The following AKT3 variants were observed in gnomAD, a reference collection of about 807,000 sequenced individuals.
AKT3 encodes AKT serine/threonine kinase 3, also known as RAC-gamma serine/threonine-protein kinase.
In AKT3, 15 loss-of-function variants were observed where a neutral mutation model predicts 65.3. The ratio of observed to expected loss-of-function variants is 0.23; its 90% CI spans 0.15 to 0.35. AKT3 has a LOEUF of 0.35. Ranked by LOEUF, AKT3 falls within the 10% of genes least tolerant of loss-of-function variation. The pLI is 1.00. For synonymous variants in AKT3, 206 were observed against 183.8 expected, an observed-to-expected ratio of 1.12 and a Z score of -0.98; for missense variants, 243 against 576.5, an observed-to-expected ratio of 0.42 and a Z score of 5.92.
At chr1:243,772,785 T>C (rs1449689716) in intron 2 of AKT3, among the ~76,000 whole-genome samples, 2 of 151,934 alleles carry the variant, frequency 1.3e-5, no homozygotes, top group African/African-American at 2.4e-5. Flanking sequence ...TTGGAACCAA[T>C]CCAAATGTCC....
chr1:243,527,742 T>C (rs545042423), intron 12 of AKT3, among the ~76,000 whole-genome samples: 1 of 150,674 alleles, frequency 6.6e-6, no homozygotes, highest in Non-Finnish European at 1.5e-5. Context: ...ATAAAGATGG[T>C]GGGACTTATA....
At chr1:243,586,539 T>C (rs1274817657) in intron 8 of AKT3, among the ~76,000 whole-genome samples, 3 of 152,132 alleles carry the variant, frequency 2.0e-5, no homozygotes, top group East Asian at 3.8e-4. Flanking sequence ...TGGAATACTA[T>C]GCAGTCGTAA....
At chr1:243,833,389 G>A (rs894771321) in intron 2 of AKT3, among the ~76,000 whole-genome samples, 17 of 152,126 alleles carry the variant, frequency 1.1e-4, no homozygotes, top group African/African-American at 4.1e-4. Flanking sequence ...GGGGGAAGAA[G>A]GCACCTTCTT....
intron 6 of AKT3, chr1:243,624,929 A>T: frequency 4.2e-6 from 1 of 238,582 alleles, no homozygotes; most frequent in East Asian, 1.0e-4. Context: ...CTTCTTCTTG[A>T]CTGATAATCA....
chr1:243,611,006 G>C (rs531228349), intron 8 of AKT3, among the ~76,000 whole-genome samples: 2 of 152,288 alleles, frequency 1.3e-5, no homozygotes, highest in South Asian at 4.1e-4. Context: ...ATATCATTCT[G>C]TGGTGCATCT....
chr1:243,737,900 T>A (rs538767889), intron 2 of AKT3, among the ~76,000 whole-genome samples: 1 of 152,180 alleles, frequency 6.6e-6, no homozygotes, highest in Non-Finnish European at 1.5e-5. Context: ...TTCCAAAACA[T>A]TGAAGTACTG....
intron 6 of AKT3, among the ~76,000 whole-genome samples, chr1:243,630,453 A>T (rs1679524393): frequency 6.6e-6 from 1 of 152,164 alleles, no homozygotes; most frequent in South Asian, 2.1e-4. Context: ...AGATATTCCC[A>T]CTCAGAAAGG....
intron 5 of AKT3, among the ~76,000 whole-genome samples, chr1:243,642,274 G>A (rs1488533052): frequency 6.6e-6 from 1 of 152,194 alleles, no homozygotes; most frequent in African/African-American, 2.4e-5. Flanking sequence ...TCTTCTGGAT[G>A]ATGTTATGGA....
chr1:243,684,989 C>G (rs967986906), intron 3 of AKT3, among the ~76,000 whole-genome samples: 21 of 152,100 alleles, frequency 1.4e-4, no homozygotes, highest in African/African-American at 4.8e-4. Context: ...CCTTTGCCCA[C>G]TTTTTGATGG....
At chr1:243,681,597 G>A (rs1422495698) in intron 3 of AKT3, among the ~76,000 whole-genome samples, 1 of 152,164 alleles carries the variant, frequency 6.6e-6, no homozygotes, top group East Asian at 1.9e-4. Context: ...TGACAACAAT[G>A]AGAGTCCACT....
At chr1:243,651,454 G>A (rs1681319710) in intron 4 of AKT3, among the ~76,000 whole-genome samples, 1 of 152,136 alleles carries the variant, frequency 6.6e-6, no homozygotes. Flanking sequence ...GTGAGAGGGG[G>A]CATCCTTGTA....
At chr1:243,778,718 G>A (rs527739551) in intron 2 of AKT3, among the ~76,000 whole-genome samples, 3 of 152,144 alleles carry the variant, frequency 2.0e-5, no homozygotes, top group South Asian at 4.2e-4. Context: ...AAAATCAAAC[G>A]TTAAAAAGGT....
chr1:243,563,804 T>C lies in AKT3; in HGVS notation c.864A>G (p.Thr288=). 1 of 1,612,812 alleles carries C rather than the reference T, an allele frequency of 6.2e-7. No homozygotes were observed. Among genetic ancestry groups the C allele is most frequent in the Admixed American group, 1.7e-5 (1 of 59,628 alleles). Residue 288 remains threonine (T), a synonymous_variant, in exon 10 of 14, where the codon ACA becomes ACG. Coordinates refer to ENST00000673466, the MANE Select transcript of AKT3 (RefSeq NM_005465.7). ...TCCCTTCTTTGCAAAGTCCAAAATC[T>C]GTAATTTTTATGTGGCCATCTTTGT... is the stretch of plus-strand genomic sequence containing the variant. ...MLDKDGHIKI[T]DFGLCKEGIT...
chr1:243,764,865 T>C (rs1190777360), intron 2 of AKT3, among the ~76,000 whole-genome samples: 1 of 152,126 alleles, frequency 6.6e-6, no homozygotes, highest in East Asian at 1.9e-4. Flanking sequence ...TTACTAGCTG[T>C]TGCAAACATT....
chr1:243,645,327 A>T (rs1407303956), intron 5 of AKT3, among the ~76,000 whole-genome samples: 1 of 152,174 alleles, frequency 6.6e-6, no homozygotes, highest in Non-Finnish European at 1.5e-5. Context: ...GCAATGAAAA[A>T]ATTTATATTG....
intron 12 of AKT3, among the ~76,000 whole-genome samples, chr1:243,540,271 G>C (rs1272875881): frequency 6.6e-6 from 1 of 152,010 alleles, no homozygotes; most frequent in Non-Finnish European, 1.5e-5. Flanking sequence ...CAACAGGAAT[G>C]CAAGGTTCAC....
chr1:243,689,306 G>T (rs1370234814), intron 3 of AKT3, among the ~76,000 whole-genome samples: 1 of 151,904 alleles, frequency 6.6e-6, no homozygotes, highest in Non-Finnish European at 1.5e-5. Context: ...TACATAGTCT[G>T]TAGTTTTTCT....
intron 3 of AKT3, among the ~76,000 whole-genome samples, chr1:243,688,199 A>C (rs1268954426): frequency 6.6e-6 from 1 of 152,168 alleles, no homozygotes; most frequent in Non-Finnish European, 1.5e-5. Flanking sequence ...AAAATGATTA[A>C]ATGATCTAAA....
intron 6 of AKT3, 30 bp downstream of exon 6, chr1:243,637,581 T>C: frequency 1.3e-6 from 2 of 1,562,964 alleles, no homozygotes. Flanking sequence ...CAAACAAAAA[T>C]TTAGTAATCA....
Sources: gnomAD v4.1 joint callset for allele counts (sites outside exome capture counted in the v4.1 genomes callset) on GRCh38, gnomAD v4.1.1 for gene constraint, MANE v1.5 for transcripts, NCBI Gene and HGNC (gene_info 2026-07-23, HGNC 2026-07-21) for gene names.